The following PKD2 variants were observed in gnomAD, a reference collection of about 807,000 sequenced individuals.
PKD2 encodes polycystin-2.
PKD2 carries 48 observed loss-of-function variants against 105.9 expected under a neutral mutation model. The ratio of observed to expected loss-of-function variants is 0.45; its 90% CI spans 0.36 to 0.58. The LOEUF is 0.58. Ranked by LOEUF, PKD2 falls within the 20% of genes least tolerant of loss-of-function variation. The pLI, the probability that PKD2 is intolerant of heterozygous loss-of-function variation, is 0.00. For synonymous variants in PKD2, 464 were observed against 481.1 expected, an observed-to-expected ratio of 0.96 and a Z score of 0.46; for missense variants, 1,078 against 1,255.3, an observed-to-expected ratio of 0.86 and a Z score of 2.13.
intron 7 of PKD2, among the ~76,000 whole-genome samples, chr4:88,055,067 G>A (rs1333414967): frequency 4.6e-5 from 7 of 152,132 alleles, no homozygotes; most frequent in Non-Finnish European, 8.8e-5. Context: ...TGCTCAATAT[G>A]GCTTTGCAGG....
At chr4:88,011,520 T>C (rs1305769980) in intron 1 of PKD2, among the ~76,000 whole-genome samples, 1 of 152,168 alleles carries the variant, frequency 6.6e-6, no homozygotes, top group African/African-American at 2.4e-5. Context: ...ATAAGTCGAC[T>C]CTTATTTCTC....
chr4:88,045,893 A>G (rs1727747670), intron 5 of PKD2, among the ~76,000 whole-genome samples: 2 of 152,222 alleles, frequency 1.3e-5, no homozygotes, highest in Non-Finnish European at 2.9e-5. Flanking sequence ...TTATATATGT[A>G]CAAAATATAT....
intron 13 of PKD2, among the ~76,000 whole-genome samples, chr4:88,070,055 GC>G (rs1720954447): frequency 6.6e-6 from 1 of 152,162 alleles, no homozygotes; most frequent in Non-Finnish European, 1.5e-5. Flanking sequence ...GGAGTCACTT[GC>G]TTTCAGCATA....
chr4:88,026,191 C>T (rs1297340754), intron 2 of PKD2, among the ~76,000 whole-genome samples: 1 of 152,146 alleles, frequency 6.6e-6, no homozygotes, highest in East Asian at 1.9e-4. Context: ...TTCCTAGAGA[C>T]TTGTTGAATG....
chr4:88,022,802 G>C (rs1726799670), intron 2 of PKD2, among the ~76,000 whole-genome samples: 1 of 152,140 alleles, frequency 6.6e-6, no homozygotes, highest in Admixed American at 6.6e-5. Flanking sequence ...AAGAGGTTTG[G>C]CCAGGCACTG....
chr4:88,055,777 T>C (rs1364116707), intron 7 of PKD2, among the ~76,000 whole-genome samples: 1 of 152,140 alleles, frequency 6.6e-6, no homozygotes, highest in East Asian at 1.9e-4. Context: ...TCAGAACTTT[T>C]TCATTATTCT....
Position 88,008,131 on chromosome 4 carries a change from C to G in PKD2, c.398C>G (p.Ser133Cys). Residue 133 changes from serine (S) to cysteine (C), a missense_variant, in exon 1 of 15, where the codon TCC (serine) becomes TGC (cysteine). Around this residue, in one of 2 missense-constraint regions of PKD2, gnomAD observed 868 missense variants for 1,067.3 expected, o/e 0.81. Coordinates refer to ENST00000237596, the MANE Select transcript of PKD2 (RefSeq NM_000297.4). ...TCGGCCGCCTCCTCGGCCGTGAGCT[C>G]CGTGGGCGCGCGGAGCCGGGGGCTT... ...RRSAASSAVS[S>C]VGARSRGLGG... 1 of 1,490,222 alleles carries G rather than the reference C, an allele frequency of 6.7e-7. No individual in the cohort carries two copies. The highest frequency in any genetic ancestry group is 2.8e-5 in the East Asian group (1 of 35,780). The allele number at this position is 1,490,222 out of a possible 1,614,324, so 92.3% of individuals were successfully genotyped here.
rs147313045 is a variant in PKD2 at position 88,055,307 on chromosome 4, G to T, written c.1717-779G>T. ...AATGACAGTTAATATTATGCAACAA[G>T]AATTTCCTGGGGGGTTTTATAATTA... On this transcript the variant is annotated intron_variant, in intron 7 of 14. Transcript: ENST00000237596. Among the ~76,000 whole-genome samples, 285 of 152,278 alleles carry T rather than the reference G, an allele frequency of 1.9e-3. 2 individuals are homozygous for T. Among genetic ancestry groups the T allele is most frequent in the African/African-American group, 6.5e-3 (270 of 41,558 alleles).
chr4:88,048,933 A>C (rs191409517), intron 6 of PKD2, among the ~76,000 whole-genome samples: 30 of 152,310 alleles, frequency 2.0e-4, no homozygotes, highest in Middle Eastern at 3.4e-3. Flanking sequence ...TCCAGAACAC[A>C]ATTATTGTTT....
intron 8 of PKD2, 55 bp downstream of exon 8, chr4:88,056,322 C>A: frequency 9.1e-7 from 1 of 1,093,736 alleles, no homozygotes; most frequent in Non-Finnish European, 1.4e-6. Flanking sequence ...CACTGCTTCT[C>A]AAGAATAAAT....
chr4:88,056,471 C>T (rs1232954990), intron 8 of PKD2, among the ~76,000 whole-genome samples: 1 of 152,170 alleles, frequency 6.6e-6, no homozygotes, highest in Non-Finnish European at 1.5e-5. Flanking sequence ...CTTAAGATAG[C>T]AGCCCAAAGT....
At chr4:88,032,027 G>A (rs529916624) in intron 2 of PKD2, among the ~76,000 whole-genome samples, 97 of 152,166 alleles carry the variant, frequency 6.4e-4, no homozygotes, top group African/African-American at 2.0e-3. Context: ...CTAGAGATGC[G>A]TTTTTATTTT....
At chr4:88,058,996 G>A (rs1720462257) in intron 9 of PKD2, among the ~76,000 whole-genome samples, 1 of 152,086 alleles carries the variant, frequency 6.6e-6, no homozygotes, top group South Asian at 2.1e-4. Context: ...AGTAAATTGT[G>A]TAAAGATCCC....
At chr4:88,024,796 A>G (rs536783283) in intron 2 of PKD2, among the ~76,000 whole-genome samples, 3 of 152,224 alleles carry the variant, frequency 2.0e-5, no homozygotes, top group East Asian at 3.8e-4. Context: ...TTGAAACTCA[A>G]AAATCACTGA....
At chr4:88,057,568 T>C (rs1326611777) in intron 8 of PKD2, among the ~76,000 whole-genome samples, 4 of 151,704 alleles carry the variant, frequency 2.6e-5, no homozygotes, top group African/African-American at 9.7e-5. Flanking sequence ...CCCGAATAGC[T>C]GAGATTATGG....
intron 2 of PKD2, among the ~76,000 whole-genome samples, chr4:88,026,257 C>G (rs1481656382): frequency 1.3e-5 from 2 of 152,138 alleles, no homozygotes; most frequent in Admixed American, 6.5e-5. Context: ...CTGAGATGGT[C>G]TCAGGTGGAG....
intron 12 of PKD2, among the ~76,000 whole-genome samples, chr4:88,066,944 C>A (rs1280907242): frequency 1.3e-5 from 2 of 152,120 alleles, no homozygotes; most frequent in East Asian, 3.8e-4. Context: ...ACAGACTTCT[C>A]CAGTCACAGT....
At chr4:88,021,793 A>G (rs191726232) in intron 2 of PKD2, among the ~76,000 whole-genome samples, 2 of 152,254 alleles carry the variant, frequency 1.3e-5, no homozygotes, top group Admixed American at 1.3e-4. Flanking sequence ...TCTTTTTTCC[A>G]CGTTGCTTTT....
At chr4:88,058,229 A>T (rs768730637) in intron 9 of PKD2, 126 bp downstream of exon 9, 8 of 679,740 alleles carry the variant, frequency 1.2e-5, no homozygotes, top group African/African-American at 1.8e-5. Context: ...AAAAGTGTGG[A>T]TGTTGGAAAA....
Sources: gnomAD v4.1 joint callset for allele counts (sites outside exome capture counted in the v4.1 genomes callset) on GRCh38, gnomAD v4.1.1 for gene constraint, gnomAD v4.1.1 regional missense constraint, MANE v1.5 for transcripts, NCBI Gene and HGNC (gene_info 2026-07-23, HGNC 2026-07-21) for gene names.